SORCS3: variants seen among roughly 807,000 people sequenced by gnomAD.
SORCS3 encodes sortilin related VPS10 domain containing receptor 3.
In SORCS3, 57 loss-of-function variants were observed where a neutral mutation model predicts 146.3. The ratio of observed to expected loss-of-function variants is 0.39; its 90% CI spans 0.31 to 0.49. SORCS3 has a LOEUF of 0.49. Among genes scored for constraint, SORCS3 ranks in the 20% least tolerant of loss-of-function variants. The pLI, the probability that SORCS3 is intolerant of heterozygous loss-of-function variation, is 0.92. For synonymous variants in SORCS3, 653 were observed against 618.5 expected (o/e 1.06, Z -0.83); for missense variants, 1,341 against 1,575.5 (o/e 0.85, Z 2.52).
At chr10:104,930,380 C>A (rs561133971) in intron 3 of SORCS3, among the ~76,000 whole-genome samples, 1 of 152,268 alleles carries the variant, frequency 6.6e-6, no homozygotes, top group East Asian at 1.9e-4. Flanking sequence ...TTGGTCTCTC[C>A]TGGCTTAGAT....
At chr10:104,789,375 T>A (rs2133498885) in intron 1 of SORCS3, among the ~76,000 whole-genome samples, 1 of 152,326 alleles carries the variant, frequency 6.6e-6, no homozygotes, top group East Asian at 1.9e-4. Context: ...CAGAGGCAGC[T>A]CAGCTATTTG....
chr10:105,120,832 T>C (rs2055927278), intron 7 of SORCS3, among the ~76,000 whole-genome samples: 2 of 152,162 alleles, frequency 1.3e-5, no homozygotes, highest in African/African-American at 4.8e-5. Context: ...CCCTGAGTTA[T>C]TGGTAGTAGC....
At chr10:104,839,030 G>A (rs1440284195) in intron 1 of SORCS3, among the ~76,000 whole-genome samples, 2 of 152,148 alleles carry the variant, frequency 1.3e-5, no homozygotes, top group Non-Finnish European at 2.9e-5. Context: ...TAAAATGAGA[G>A]CAATAGACTG....
At chr10:105,123,938 A>T (rs74157444) in intron 7 of SORCS3, among the ~76,000 whole-genome samples, 1 of 152,168 alleles carries the variant, frequency 6.6e-6, no homozygotes, top group Non-Finnish European at 1.5e-5. Flanking sequence ...GGAAACAAAA[A>T]TAAAAGAATA....
intron 21 of SORCS3, 33 bp from the exon 22 acceptor site, chr10:105,247,186 C>A: frequency 1.5e-6 from 2 of 1,312,798 alleles, no homozygotes; most frequent in Non-Finnish European, 2.2e-6. Flanking sequence ...TCTCACTCTC[C>A]CAGCCTCACT....
At chr10:104,798,330 A>T (rs1455530306) in intron 1 of SORCS3, among the ~76,000 whole-genome samples, 1 of 152,188 alleles carries the variant, frequency 6.6e-6, no homozygotes, top group Non-Finnish European at 1.5e-5. Context: ...CCAGTTGACT[A>T]TCAGTCCTGG....
intron 1 of SORCS3, among the ~76,000 whole-genome samples, chr10:104,787,653 C>G (rs1452148436): frequency 6.6e-6 from 1 of 152,118 alleles, no homozygotes; most frequent in African/African-American, 2.4e-5. Context: ...TGTACAACAT[C>G]ATGATGTTCT....
At chr10:104,943,837 G>T (rs1487941579) in intron 3 of SORCS3, among the ~76,000 whole-genome samples, 2 of 152,190 alleles carry the variant, frequency 1.3e-5, no homozygotes. Flanking sequence ...AGAAAGTCTG[G>T]TATTAGCGCA....
intron 13 of SORCS3, among the ~76,000 whole-genome samples, chr10:105,173,450 T>C (rs531526593): frequency 6.6e-6 from 1 of 152,192 alleles, no homozygotes; most frequent in Non-Finnish European, 1.5e-5. Flanking sequence ...TCATGCAACC[T>C]CTATATATTT....
intron 2 of SORCS3, among the ~76,000 whole-genome samples, chr10:104,893,264 T>A (rs2018766632): frequency 6.6e-6 from 1 of 152,188 alleles, no homozygotes; most frequent in Admixed American, 6.5e-5. Flanking sequence ...TTTGTGTTTG[T>A]AAAAGAGTAA....
At chr10:105,212,237 C>G (rs1394008505) in intron 17 of SORCS3, among the ~76,000 whole-genome samples, 1 of 152,162 alleles carries the variant, frequency 6.6e-6, no homozygotes, top group East Asian at 1.9e-4. Context: ...TGCATGCCAA[C>G]TATTTAGTTC....
At chr10:105,207,272 T>TTTATTATTATTATTATTATTC (rs2056607884) in intron 16 of SORCS3, among the ~76,000 whole-genome samples, 1 of 147,148 alleles carries the variant, frequency 6.8e-6, no homozygotes, top group Non-Finnish European at 1.5e-5. Flanking sequence ...CATGCAGAGG[T>TTTATTATTATTATTATTATTC]TTATTATTAT....
chr10:105,196,239 G>T (rs956505489), intron 14 of SORCS3, among the ~76,000 whole-genome samples: 6 of 152,166 alleles, frequency 3.9e-5, no homozygotes, highest in African/African-American at 2.4e-5. Flanking sequence ...TCAAGCCTGA[G>T]CTTGAATTTC....
At chr10:104,917,158 A>G (rs1311161265) in intron 3 of SORCS3, among the ~76,000 whole-genome samples, 1 of 152,190 alleles carries the variant, frequency 6.6e-6, no homozygotes. Flanking sequence ...CCACTAGCCA[A>G]GTGCCAAAGC....
chr10:104,879,754 G>C (rs910514851), intron 2 of SORCS3, among the ~76,000 whole-genome samples: 1 of 152,224 alleles, frequency 6.6e-6, no homozygotes, highest in African/African-American at 2.4e-5. Flanking sequence ...TTCTAGACAG[G>C]TGCTGCCCTG....
rs575198617 is a variant in SORCS3 at position 104,801,591 on chromosome 10, G to A, written c.628-41201G>A. On this transcript the variant is annotated intron_variant, in intron 1 of 26. Coordinates refer to ENST00000369701, the MANE Select transcript of SORCS3 (RefSeq NM_014978.3). ...CATAGTGAGGACTGAATGAGTGTGG[G>A]AATGAATGATGCATTGCGGTTCAGT... 5.8e-4 allele frequency among the ~76,000 whole-genome samples: 88 copies of A among 152,296 alleles called. 1 individual carries two copies. Among genetic ancestry groups the A allele is most frequent in the African/African-American group, 1.9e-3 (79 of 41,576 alleles).
chr10:104,982,755 C>T (rs2054938582), intron 4 of SORCS3, among the ~76,000 whole-genome samples: 1 of 152,122 alleles, frequency 6.6e-6, no homozygotes, highest in Admixed American at 6.5e-5. Context: ...AGAGCAACCA[C>T]CTAATGGGTG....
At chr10:104,727,277 T>C (rs1291331980) in intron 1 of SORCS3, among the ~76,000 whole-genome samples, 2 of 152,214 alleles carry the variant, frequency 1.3e-5, no homozygotes, top group African/African-American at 4.8e-5. Context: ...TTTATTGTTT[T>C]GTTGATTGCA....
intron 1 of SORCS3, among the ~76,000 whole-genome samples, chr10:104,751,111 GA>G (rs1564675188): frequency 6.6e-6 from 1 of 152,174 alleles, no homozygotes; most frequent in South Asian, 2.1e-4. Context: ...TTAGATGCAG[GA>G]AGGGGTGTCA....
Sources: allele counts gnomAD v4.1 joint callset (sites outside exome capture counted in the v4.1 genomes callset), GRCh38; gene constraint gnomAD v4.1.1; transcripts MANE v1.5; gene names NCBI Gene and HGNC (gene_info 2026-07-23, HGNC 2026-07-21).